FAM184A: variants seen among roughly 807,000 people sequenced by gnomAD.
FAM184A encodes family with sequence similarity 184 member A, also known as protein FAM184A.
In FAM184A, 99 loss-of-function variants were observed where a neutral mutation model predicts 143.8. The ratio of observed to expected loss-of-function variants is 0.69; its 90% confidence interval spans 0.58 to 0.81. The LOEUF is 0.81. Ranked by LOEUF, FAM184A falls within the 40% of genes least tolerant of loss-of-function variation. The pLI, the probability that FAM184A is intolerant of heterozygous loss-of-function variation, is 0.00. For missense variants in FAM184A, 1,217 were observed against 1,310.5 expected (o/e 0.93, Z 1.10); for synonymous variants, 427 against 446.4 (o/e 0.96, Z 0.55).
At chr6:119,076,717 T>C (rs1787884450) in intron 1 of FAM184A, among the ~76,000 whole-genome samples, 1 of 152,208 alleles carries the variant, frequency 6.6e-6, no homozygotes, top group African/African-American at 2.4e-5. Flanking sequence ...AGAATAAATA[T>C]TCACGTGCTT....
chr6:119,022,407 A>AT (rs962039714), intron 3 of FAM184A, among the ~76,000 whole-genome samples: 3 of 151,782 alleles, frequency 2.0e-5, no homozygotes, highest in African/African-American at 7.3e-5. Flanking sequence ...TGCTATTGGT[A>AT]TTTTTCCTCA....
intron 1 of FAM184A, among the ~76,000 whole-genome samples, chr6:119,039,230 G>C (rs1786227630): frequency 6.6e-6 from 1 of 152,224 alleles, no homozygotes; most frequent in Non-Finnish European, 1.5e-5. Context: ...TTGGAAGATA[G>C]TTGAGCGGTT....
chr6:119,011,198 T>C, intron 6 of FAM184A, 111 bp downstream of exon 6: 1 of 857,838 alleles, frequency 1.2e-6, no homozygotes, highest in South Asian at 1.9e-5. Flanking sequence ...AAATTATTTT[T>C]ATTCTAGATA....
intron 1 of FAM184A, among the ~76,000 whole-genome samples, chr6:119,097,706 G>A (rs772561702): frequency 2.6e-5 from 4 of 152,106 alleles, no homozygotes; most frequent in African/African-American, 4.8e-5. Flanking sequence ...TAGTCTTTTG[G>A]TGTAATGTTG....
At chr6:118,992,644 G>T (rs1784414441) in intron 9 of FAM184A, among the ~76,000 whole-genome samples, 1 of 152,134 alleles carries the variant, frequency 6.6e-6, no homozygotes, top group South Asian at 2.1e-4. Context: ...ATGAATTTCT[G>T]TTGTGGGCAG....
chr6:119,079,906 T>TA (rs1788011751), upstream of FAM184A, among the ~76,000 whole-genome samples: 1 of 152,186 alleles, frequency 6.6e-6, no homozygotes, highest in Non-Finnish European at 1.5e-5. Context: ...CCCCCTTAAA[T>TA]AGACCTTCCA....
intron 9 of FAM184A, among the ~76,000 whole-genome samples, chr6:118,983,007 T>C (rs2114588647): frequency 6.6e-6 from 1 of 152,362 alleles, no homozygotes; most frequent in South Asian, 2.1e-4. Flanking sequence ...ATAAACTATG[T>C]GCAGAAAGAT....
At chr6:119,106,527 A>C (rs751071808) in intron 1 of FAM184A, among the ~76,000 whole-genome samples, 6 of 152,252 alleles carry the variant, frequency 3.9e-5, no homozygotes, top group Non-Finnish European at 8.8e-5. Context: ...TGATTTTGAA[A>C]AGTAAGCCAA....
At chr6:118,992,352 A>T (rs11967399) in intron 9 of FAM184A, among the ~76,000 whole-genome samples, 86,339 of 151,988 alleles carry the variant, frequency 0.57, 24,892 homozygotes, top group East Asian at 0.76. Flanking sequence ...GTGGACTAAA[A>T]GTGTTCCCTT....
chr6:119,011,550 AC>A (rs1785090256), intron 5 of FAM184A, 119 bp from the exon 6 acceptor site: 1 of 630,368 alleles, frequency 1.6e-6, no homozygotes, highest in Admixed American at 3.5e-5. Context: ...AATTAGCCTT[AC>A]CCTTAATTAA....
intron 15 of FAM184A, among the ~76,000 whole-genome samples, chr6:118,965,760 T>C (rs1434662938): frequency 6.6e-6 from 1 of 152,216 alleles, no homozygotes; most frequent in African/African-American, 2.4e-5. Context: ...CTTTCGAAAG[T>C]TGCTTTACTG....
Position 119,024,499 on chromosome 6 carries a change from G to C in FAM184A, c.474C>G (p.Val158=). ...CTTCAAATTTCCTTCTAATCTCTTCGACTTCTCTAGACATGGTCACTATGC... is the reference window on the plus strand; with the variant it reads ...CTTCAAATTTCCTTCTAATCTCTTCCACTTCTCTAGACATGGTCACTATGC... ...VQRIVTMSRE[V]EEIRRKFEEK... Residue 158 remains valine, a synonymous_variant, in exon 2 of 18, where the codon GTC becomes GTG. Coordinates refer to ENST00000338891, the MANE Select transcript of FAM184A (RefSeq NM_024581.6). 6.2e-7 allele frequency: 1 copy of C among 1,613,378 alleles called. No homozygotes were observed. The highest frequency in any genetic ancestry group is 8.5e-7 in the Non-Finnish European group (1 of 1,179,844).
chr6:119,003,506 A>AT lies in FAM184A; in HGVS notation c.1931dup (p.Asn644LysfsTer3), dbSNP rs768181019. The AT allele has an allele frequency of 6.2e-7, 1 of 1,610,346 alleles. No homozygotes were observed. The highest frequency in any genetic ancestry group is 2.2e-5 in the East Asian group (1 of 44,728). ...TTACAGAATAAAAAATGTACCTAAG[A>AT]TTTTCAGTCCACTTAATTTCTAAGT... On this transcript the variant is annotated frameshift_variant, in exon 8 of 18. Coordinates refer to ENST00000338891, the MANE Select transcript of FAM184A (RefSeq NM_024581.6). LOFTEE classifies it high-confidence loss of function.
intron 1 of FAM184A, among the ~76,000 whole-genome samples, chr6:119,085,929 C>A (rs1396122887): frequency 6.6e-6 from 1 of 152,094 alleles, no homozygotes; most frequent in Non-Finnish European, 1.5e-5. Context: ...TAATAAGTCA[C>A]CCATTCATTA....
At chr6:119,001,837 T>C (rs544379667) in intron 9 of FAM184A, among the ~76,000 whole-genome samples, 2 of 152,160 alleles carry the variant, frequency 1.3e-5, no homozygotes, top group Non-Finnish European at 2.9e-5. Context: ...CCCTACCCAG[T>C]AAAATCTGTC....
intron 1 of FAM184A, among the ~76,000 whole-genome samples, chr6:119,029,607 A>G (rs1785795913): frequency 6.6e-6 from 1 of 152,238 alleles, no homozygotes; most frequent in Non-Finnish European, 1.5e-5. Context: ...CTGAAGATAT[A>G]AAAGCACGGT....
chr6:119,090,168 A>G (rs946215141), intron 1 of FAM184A, among the ~76,000 whole-genome samples: 1 of 152,218 alleles, frequency 6.6e-6, no homozygotes, highest in African/African-American at 2.4e-5. Context: ...TATGAGAGAG[A>G]TAAGGAAAAG....
Position 119,024,818 on chromosome 6 carries a change from A to G in FAM184A, c.160-5T>C, listed in dbSNP as rs771078465. On this transcript the variant is annotated splice_region_variant and splice_polypyrimidine_tract_variant and intron_variant, in intron 1 of 17. Coordinates refer to ENST00000338891, the MANE Select transcript of FAM184A (RefSeq NM_024581.6). Reference sequence around the variant, plus strand: ...AGTGTTTAAAGCATATATTACCTGCATGGTTTTGAATAAGAAGGGAGAAGG... The same window carrying G: ...AGTGTTTAAAGCATATATTACCTGCGTGGTTTTGAATAAGAAGGGAGAAGG... 87 of 1,571,192 alleles carry G rather than the reference A, an allele frequency of 5.5e-5. No individual in the cohort carries two copies. The highest frequency in any genetic ancestry group is 7.2e-5 in the Non-Finnish European group (84 of 1,163,556).
intron 1 of FAM184A, among the ~76,000 whole-genome samples, chr6:119,096,910 C>T (rs1414121186): frequency 6.6e-6 from 1 of 152,172 alleles, no homozygotes; most frequent in African/African-American, 2.4e-5. Context: ...AAGCTCAGAA[C>T]TTAGAGACAA....
Sources: gnomAD v4.1 joint callset for allele counts (sites outside exome capture counted in the v4.1 genomes callset) on GRCh38, gnomAD v4.1.1 for gene constraint, MANE v1.5 for transcripts, NCBI Gene and HGNC (gene_info 2026-07-23, HGNC 2026-07-21) for gene names.